Variants in ADAMTSL1 observed in about 807,000 individuals in gnomAD.
The protein encoded by ADAMTSL1 is ADAMTS like 1.
Under a neutral mutation model 201.8 loss-of-function variants are expected in ADAMTSL1, and 126 were observed. The observed-to-expected ratio is 0.62, with a 90% CI of 0.54 to 0.72. The LOEUF (loss-of-function observed/expected upper bound fraction) is 0.72. ADAMTSL1 is among the 30% of genes least tolerant of loss of function. The probability of loss-of-function intolerance (pLI) is 0.00; values close to 1 mark genes in which losing one functional copy is unlikely to be tolerated. For synonymous variants in ADAMTSL1, 1,121 were observed against 903.4 expected (o/e 1.24, Z -4.32); for missense variants, 2,679 against 2,277.8 (o/e 1.18, Z -3.59).
intron 2 of ADAMTSL1, among the ~76,000 whole-genome samples, chr9:18,404,357 AG>A (rs1263207688): frequency 6.6e-6 from 1 of 152,242 alleles, no homozygotes. Flanking sequence ...GTCATCATGA[AG>A]GATTTTATGA....
intron 1 of ADAMTSL1, among the ~76,000 whole-genome samples, chr9:18,134,388 A>G (rs1225662825): frequency 6.6e-6 from 1 of 152,166 alleles, no homozygotes; most frequent in Non-Finnish European, 1.5e-5. Flanking sequence ...CCATTATCTA[A>G]TTTTGGCTTC....
intron 2 of ADAMTSL1, among the ~76,000 whole-genome samples, chr9:18,328,150 C>T (rs978101747): frequency 2.0e-5 from 3 of 152,158 alleles, no homozygotes; most frequent in African/African-American, 7.2e-5. Flanking sequence ...GAATTGAATC[C>T]TGTTTGCACA....
At chr9:18,417,626 A>G (rs938204937) in intron 2 of ADAMTSL1, among the ~76,000 whole-genome samples, 4 of 152,090 alleles carry the variant, frequency 2.6e-5, no homozygotes, top group Non-Finnish European at 5.9e-5. Flanking sequence ...AAATTCAACA[A>G]TATAGATGGA....
At chr9:18,183,353 G>A (rs1253754460) in intron 2 of ADAMTSL1, among the ~76,000 whole-genome samples, 1 of 152,150 alleles carries the variant, frequency 6.6e-6, no homozygotes, top group East Asian at 1.9e-4. Context: ...CCAAAGGCAT[G>A]ATTCACGAAA....
intron 15 of ADAMTSL1, among the ~76,000 whole-genome samples, chr9:18,738,040 A>C (rs1818619189): frequency 6.6e-6 from 1 of 152,214 alleles, no homozygotes; most frequent in Admixed American, 6.5e-5. Context: ...AGATAAATGA[A>C]TTAATATATG....
In ADAMTSL1 at chr9:18,839,257, C is replaced by T. The variant is rs528590820; in HGVS notation, c.4249+9280C>T. 2.8e-4 allele frequency among the ~76,000 whole-genome samples: 40 copies of T among 145,218 alleles called. No homozygotes were observed. In the South Asian group the frequency reaches 8.1e-3, roughly 29 times the overall value. ...GTACATGTGTTCTCATTGTTCAATT[C>T]CCACCTATGAGTGAGAACATGCGGT... On this transcript the variant is annotated intron_variant, in intron 23 of 28. Transcript: ENST00000380548.
chr9:18,671,568 GAAGCAAGGCC>G lies in ADAMTSL1; in HGVS notation c.1086-4286_1086-4277del, dbSNP rs545592590. On this transcript the variant is annotated intron_variant, in intron 9 of 28. Coordinates refer to ENST00000380548, the MANE Select transcript of ADAMTSL1 (RefSeq NM_001040272.6). ...AATGGTGGTCGTGATAACAGGAGAA[GAAGCAAGGCC>G]AAATAATGAATTGTCTGGGATGCAC... is the stretch of plus-strand genomic sequence containing the variant. 7.0e-3 allele frequency among the ~76,000 whole-genome samples: 1,064 copies of G among 152,304 alleles called. 8 individuals are homozygous for G. Among genetic ancestry groups the G allele is most frequent in the Non-Finnish European group, 0.011 (726 of 68,022 alleles).
At chr9:18,756,830 C>T (rs1490682547) in intron 16 of ADAMTSL1, among the ~76,000 whole-genome samples, 2 of 152,136 alleles carry the variant, frequency 1.3e-5, no homozygotes, top group Non-Finnish European at 1.5e-5. Context: ...CACAGTGTTA[C>T]CACTGACCTC....
intron 1 of ADAMTSL1, among the ~76,000 whole-genome samples, chr9:18,018,805 T>C (rs1820364072): frequency 6.6e-6 from 1 of 152,074 alleles, no homozygotes; most frequent in African/African-American, 2.4e-5. Flanking sequence ...AGATAATGTT[T>C]GCTGTTTTAA....
chr9:18,791,907 A>G (rs1822087019), intron 19 of ADAMTSL1, among the ~76,000 whole-genome samples: 4 of 152,042 alleles, frequency 2.6e-5, no homozygotes, highest in Admixed American at 6.6e-5. Flanking sequence ...TCAGCCTTGT[A>G]GGAATTCTTT....
intron 1 of ADAMTSL1, among the ~76,000 whole-genome samples, chr9:17,975,207 G>A (rs1421461620): frequency 6.6e-6 from 1 of 151,598 alleles, no homozygotes; most frequent in African/African-American, 2.4e-5. Context: ...TTTTAATTGG[G>A]TCATTTTTTT....
chr9:18,666,260 G>A (rs1829424423), intron 9 of ADAMTSL1, among the ~76,000 whole-genome samples: 1 of 152,070 alleles, frequency 6.6e-6, no homozygotes, highest in African/African-American at 2.4e-5. Context: ...TTTGTTTCCT[G>A]GCCAAAAGTG....
At chr9:18,774,530 C>A (rs1057458028) in intron 17 of ADAMTSL1, among the ~76,000 whole-genome samples, 33 of 152,122 alleles carry the variant, frequency 2.2e-4, no homozygotes, top group African/African-American at 8.0e-4. Flanking sequence ...CCCTAGTGTA[C>A]TATAAGCATT....
chr9:18,395,991 A>T (rs1318915730), intron 2 of ADAMTSL1, among the ~76,000 whole-genome samples: 2 of 152,174 alleles, frequency 1.3e-5, no homozygotes, highest in African/African-American at 4.8e-5. Flanking sequence ...GTGGAAGGAA[A>T]CCTTTGATGC....
In ADAMTSL1 at chr9:18,345,506, C is replaced by T. The variant is rs73643244; in HGVS notation, c.208-159323C>T. On this transcript the variant is annotated intron_variant, in intron 2 of 29. Transcript: ENST00000680146. ...GAATGCTATGTTTTCTAGGATTTGA[C>T]ATTTTCAGTGATCGAGAATTACTAT... 2.6e-3 allele frequency among the ~76,000 whole-genome samples: 393 copies of T among 152,254 alleles called. 1 individual carries two copies. Among genetic ancestry groups the T allele is most frequent in the African/African-American group, 9.1e-3 (378 of 41,572 alleles).
intron 25 of ADAMTSL1, chr9:18,890,585 A>G (rs1323437693): frequency 2.2e-6 from 1 of 455,942 alleles, no homozygotes; most frequent in Admixed American, 2.3e-5. Context: ...AAACCAGGAG[A>G]GATTCGATGA....
chr9:18,281,913 C>G (rs567866318), intron 2 of ADAMTSL1, among the ~76,000 whole-genome samples: 9 of 152,180 alleles, frequency 5.9e-5, no homozygotes, highest in African/African-American at 2.2e-4. Flanking sequence ...TTAGTCAATT[C>G]AATGTATTTT....
chr9:18,663,314 A>C (rs58861918), intron 9 of ADAMTSL1, among the ~76,000 whole-genome samples: 21,264 of 152,100 alleles, frequency 0.14, 1,775 homozygotes, highest in East Asian at 0.38. Context: ...AAAAGAATAG[A>C]TATTTTATAA....
chr9:18,039,746 A>T (rs1183128598), intron 1 of ADAMTSL1, among the ~76,000 whole-genome samples: 1 of 152,160 alleles, frequency 6.6e-6, no homozygotes, highest in Non-Finnish European at 1.5e-5. Context: ...TTCTCTTACT[A>T]CCATAGATCA....
Sources: allele counts gnomAD v4.1 joint callset (sites outside exome capture counted in the v4.1 genomes callset), GRCh38; gene constraint gnomAD v4.1.1; transcripts MANE v1.5; gene names NCBI Gene and HGNC (gene_info 2026-07-23, HGNC 2026-07-21).